CEP112: variants seen among roughly 807,000 people sequenced by gnomAD.
CEP112 encodes centrosomal protein of 112 kDa.
A neutral mutation model predicts 153.0 loss-of-function variants in CEP112; 127 were observed. That is an observed-to-expected ratio of 0.83 (90% CI 0.72 to 0.96). CEP112 has a LOEUF of 0.96. CEP112 is among the 40% of genes least tolerant of loss of function. CEP112 has a pLI of 0.00. For synonymous variants in CEP112, 358 were observed against 374.4 expected (o/e 0.96, Z 0.51); for missense variants, 1,089 against 1,101.2 (o/e 0.99, Z 0.16).
chr17:65,895,553 G>GTC (rs1007619100), intron 20 of CEP112, among the ~76,000 whole-genome samples: 7 of 152,064 alleles, frequency 4.6e-5, no homozygotes, highest in Admixed American at 2.6e-4. Context: ...GAGTACCAGT[G>GTC]TCTCTCTCTC....
intron 4 of CEP112, among the ~76,000 whole-genome samples, chr17:66,135,359 A>G (rs1244950712): frequency 6.6e-6 from 1 of 152,200 alleles, no homozygotes; most frequent in Admixed American, 6.5e-5. Flanking sequence ...AGTAAGTACA[A>G]AGGCTGAAAT....
intron 20 of CEP112, among the ~76,000 whole-genome samples, chr17:65,870,079 A>AAGAAAAGAAAGAAAGAC (rs2058618644): frequency 6.6e-6 from 1 of 151,622 alleles, no homozygotes; most frequent in African/African-American, 2.4e-5. Flanking sequence ...GAAAGAAAGA[A>AAGAAAAGAAAGAAAGAC]AGAAAAGAAA....
intron 11 of CEP112, among the ~76,000 whole-genome samples, chr17:66,057,834 T>C (rs2066759010): frequency 6.6e-6 from 1 of 151,602 alleles, no homozygotes; most frequent in Admixed American, 6.6e-5. Flanking sequence ...GGCTCACACC[T>C]GTAATCCCAG....
At chr17:65,701,032 T>C (rs1326162863) in intron 23 of CEP112, among the ~76,000 whole-genome samples, 1 of 152,180 alleles carries the variant, frequency 6.6e-6, no homozygotes, top group African/African-American at 2.4e-5. Flanking sequence ...AAGCACAATT[T>C]TACAGACTGT....
intron 17 of CEP112, among the ~76,000 whole-genome samples, chr17:65,991,876 A>G (rs1032920560): frequency 1.3e-5 from 2 of 152,134 alleles, no homozygotes; most frequent in Non-Finnish European, 1.5e-5. Flanking sequence ...TATACTATTC[A>G]GTTATACTTT....
intron 21 of CEP112, chr17:65,826,283 C>CCA: frequency 6.2e-7 from 1 of 1,614,112 alleles, no homozygotes. Context: ...ATGGTCTAAA[C>CCA]TCAGAGAAGC....
intron 24 of CEP112, among the ~76,000 whole-genome samples, chr17:65,643,123 A>T (rs1162789764): frequency 6.6e-6 from 1 of 152,162 alleles, no homozygotes; most frequent in Non-Finnish European, 1.5e-5. Flanking sequence ...TTTGTGGAGA[A>T]AATGGAGGGG....
chr17:66,018,155 G>A (rs2064850615), intron 16 of CEP112, among the ~76,000 whole-genome samples: 1 of 152,078 alleles, frequency 6.6e-6, no homozygotes, highest in South Asian at 2.1e-4. Context: ...ACTTTAAATT[G>A]TTAATACCAG....
At chr17:65,648,016 T>C (rs1166987953) in intron 24 of CEP112, among the ~76,000 whole-genome samples, 2 of 152,200 alleles carry the variant, frequency 1.3e-5, no homozygotes, top group African/African-American at 4.8e-5. Context: ...CTCATACATG[T>C]ATTTTATTAT....
chr17:66,069,931 T>A lies in CEP112; in HGVS notation c.839A>T (p.Asp280Val). 6.3e-7 allele frequency: 1 copy of A among 1,596,338 alleles called. No homozygotes were observed. The change falls in exon 9 of 27, where the codon GAT becomes GTT. Residue 280 changes from aspartate (D) to valine (V), a missense_variant. Physicochemically the swap from Asp to Val is radical, Grantham distance 152. Transcript: ENST00000535342. ...ATATCCTACCTTCTGAACATCAGCA[T>A]CATGTTTCTGTTGCAGTTTAAGCTT... ...EEKLKLQQKH[D>V]ADVQKILERK...
intron 4 of CEP112, among the ~76,000 whole-genome samples, chr17:66,149,868 GTTTT>G (rs1198335741): frequency 6.7e-4 from 53 of 79,554 alleles, no homozygotes; most frequent in African/African-American, 2.2e-3. Context: ...TAAATTTAGG[GTTTT>G]TTTTTTTGTT....
intron 22 of CEP112, among the ~76,000 whole-genome samples, chr17:65,747,318 G>A (rs183363423): frequency 1.1e-4 from 16 of 152,316 alleles, no homozygotes; most frequent in Non-Finnish European, 2.2e-4. Flanking sequence ...GATGGGCACA[G>A]GGGTCATGTG....
At chr17:65,725,246 T>C (rs1308940539) in intron 23 of CEP112, among the ~76,000 whole-genome samples, 1 of 152,164 alleles carries the variant, frequency 6.6e-6, no homozygotes, top group Non-Finnish European at 1.5e-5. Flanking sequence ...TGTTGATGTG[T>C]TTAAAGCTGC....
chr17:65,991,111 A>G (rs1470985107), intron 17 of CEP112, among the ~76,000 whole-genome samples: 1 of 152,224 alleles, frequency 6.6e-6, no homozygotes, highest in African/African-American at 2.4e-5. Flanking sequence ...ATGGTATACA[A>G]AATAATTCTC....
intron 17 of CEP112, among the ~76,000 whole-genome samples, chr17:65,972,174 T>C (rs1005238654): frequency 1.3e-5 from 2 of 152,196 alleles, no homozygotes; most frequent in East Asian, 1.9e-4. Context: ...TCCATAAATT[T>C]AAAAGGATTC....
At chr17:65,917,449 C>T (rs574431567) in intron 19 of CEP112, among the ~76,000 whole-genome samples, 11 of 147,128 alleles carry the variant, frequency 7.5e-5, no homozygotes, top group Non-Finnish European at 1.4e-4. Context: ...CCCACAAATC[C>T]ATGGTCATTT....
At chr17:65,742,065 A>G (rs945579646) in intron 23 of CEP112, among the ~76,000 whole-genome samples, 15 of 151,810 alleles carry the variant, frequency 9.9e-5, no homozygotes, top group Non-Finnish European at 4.4e-5. Flanking sequence ...TGAAGGTTTT[A>G]TCCATCTGTT....
chr17:65,951,749 C>CCTCCCCG lies in CEP112; in HGVS notation c.1872+9713_1872+9714insCGGGGAG, dbSNP rs1555728024. The stretch of plus-strand genomic sequence containing the variant: ...TCTGCTCTAATCTTCCCCCGCCCCC[C>CCTCCCCG]CCTTTCTTCCACTTGCTTAGAAGCT... On this transcript the variant is annotated intron_variant, in intron 18 of 26. Coordinates refer to ENST00000535342, the MANE Select transcript of CEP112 (RefSeq NM_001199165.4). 1.1e-4 allele frequency among the ~76,000 whole-genome samples: 12 copies of CCTCCCCG among 106,240 alleles called. 1 individual carries two copies. The highest frequency in any genetic ancestry group is 3.9e-4 in the East Asian group (1 of 2,554). The allele number at this position is 106,240 out of a possible 152,430, so 69.7% of individuals were successfully genotyped here. A position where few individuals can be genotyped will look rare whatever the true frequency, so the allele number is the denominator to read the frequency against.
intron 23 of CEP112, among the ~76,000 whole-genome samples, chr17:65,708,148 C>T (rs2049006797): frequency 6.6e-6 from 1 of 151,812 alleles, no homozygotes; most frequent in African/African-American, 2.4e-5. Flanking sequence ...CAACCCCCCG[C>T]ACTTTTTTTT....
Sources: gnomAD v4.1 joint callset for allele counts (sites outside exome capture counted in the v4.1 genomes callset) on GRCh38, gnomAD v4.1.1 for gene constraint, MANE v1.5 for transcripts, NCBI Gene and HGNC (gene_info 2026-07-23, HGNC 2026-07-21) for gene names.